PACRG: variants seen among roughly 807,000 people sequenced by gnomAD.
The protein encoded by PACRG is parkin coregulated gene protein.
In PACRG, 29 loss-of-function variants were observed where a neutral mutation model predicts 29.7. That is an observed-to-expected ratio of 0.98 (90% confidence interval 0.73 to 1.33). The LOEUF is 1.33. Ranked by LOEUF, PACRG falls within the 40% of genes most tolerant of loss-of-function variation. The pLI, the probability that PACRG is intolerant of heterozygous loss-of-function variation, is 0.00. For synonymous variants in PACRG, 116 were observed against 118.7 expected (o/e 0.98, Z 0.15); for missense variants, 279 against 316.2 (o/e 0.88, Z 0.89).
chr6:163,034,030 A>G (rs1807923131), intron 2 of PACRG, among the ~76,000 whole-genome samples: 1 of 152,208 alleles, frequency 6.6e-6, no homozygotes, highest in Non-Finnish European at 1.5e-5. Flanking sequence ...TTTACAGAGG[A>G]GATAAACAGT....
At chr6:162,733,543 T>C (rs903089519) in intron 1 of PACRG, among the ~76,000 whole-genome samples, 2 of 152,162 alleles carry the variant, frequency 1.3e-5, no homozygotes, top group African/African-American at 4.8e-5. Context: ...CCTTTAAAAC[T>C]TGAGAAGGCC....
At chr6:163,098,876 C>T (rs1180349039) in intron 4 of PACRG, among the ~76,000 whole-genome samples, 2 of 152,186 alleles carry the variant, frequency 1.3e-5, no homozygotes, top group Non-Finnish European at 2.9e-5. Context: ...GTTGCTGTGG[C>T]ATCTGTAAAC....
chr6:162,973,477 T>C (rs1199953141), intron 2 of PACRG, among the ~76,000 whole-genome samples: 1 of 152,178 alleles, frequency 6.6e-6, no homozygotes, highest in Non-Finnish European at 1.5e-5. Context: ...CCCTAACCTT[T>C]AGCACTGAAT....
Position 162,947,608 on chromosome 6 carries a change from A to ATGATTATAT in PACRG, c.292-114542_292-114541insTGATTATAT, listed in dbSNP as rs1554313269. ...CATATATATAATCATATATATATAT[A>ATGATTATAT]ATCATATATATATATATATATATAT... is the stretch of plus-strand genomic sequence containing the variant. On this transcript the variant is annotated intron_variant, in intron 2 of 4. Coordinates refer to ENST00000366888, the MANE Select transcript of PACRG (RefSeq NM_001080379.2). Among the ~76,000 whole-genome samples, 70 of 66,354 alleles carry ATGATTATAT rather than the reference A, an allele frequency of 1.1e-3. 5 individuals carry two copies. The highest frequency in any genetic ancestry group is 2.5e-3 in the East Asian group (6 of 2,412). The allele number at this position is 66,354 out of a possible 152,430, so 43.5% of individuals were successfully genotyped here.
At chr6:162,779,882 G>C (rs1483623653) in intron 1 of PACRG, among the ~76,000 whole-genome samples, 1 of 152,196 alleles carries the variant, frequency 6.6e-6, no homozygotes, top group Non-Finnish European at 1.5e-5. Flanking sequence ...ATCCTCAAGA[G>C]ATGGGAAACA....
chr6:162,753,458 T>C (rs189045275), intron 1 of PACRG, among the ~76,000 whole-genome samples: 50 of 152,332 alleles, frequency 3.3e-4, no homozygotes, highest in African/African-American at 1.0e-3. Flanking sequence ...GGCTGAATAG[T>C]ATTACATTTA....
intron 2 of PACRG, among the ~76,000 whole-genome samples, chr6:162,925,928 G>C (rs1797402482): frequency 6.6e-6 from 1 of 151,834 alleles, no homozygotes. Flanking sequence ...GCCCAAAAGT[G>C]CTAAGCTGAT....
chr6:162,926,572 A>C (rs2128100755), intron 2 of PACRG, among the ~76,000 whole-genome samples: 1 of 152,254 alleles, frequency 6.6e-6, no homozygotes, highest in South Asian at 2.1e-4. Flanking sequence ...CTATTTAACA[A>C]GTGATGCTGT....
chr6:163,211,095 AC>A (rs1781118419), intron 4 of PACRG, among the ~76,000 whole-genome samples: 1 of 151,752 alleles, frequency 6.6e-6, no homozygotes, highest in African/African-American at 2.4e-5. Flanking sequence ...TTTCTCTCCC[AC>A]CACCTTTTTT....
chr6:163,097,794 C>A (rs1814735821), intron 4 of PACRG, among the ~76,000 whole-genome samples: 1 of 152,084 alleles, frequency 6.6e-6, no homozygotes, highest in African/African-American at 2.4e-5. Flanking sequence ...GCTGTGGAAA[C>A]CAGGTTTCTT....
intron 4 of PACRG, among the ~76,000 whole-genome samples, chr6:163,186,681 C>G (rs954937345): frequency 2.0e-5 from 3 of 152,126 alleles, no homozygotes; most frequent in African/African-American, 7.2e-5. Context: ...TCACTCCTGC[C>G]GGACCAGGCG....
At chr6:162,846,524 T>A (rs1190275097) in intron 2 of PACRG, among the ~76,000 whole-genome samples, 1 of 152,138 alleles carries the variant, frequency 6.6e-6, no homozygotes, top group East Asian at 1.9e-4. Context: ...CCAGGCCAAA[T>A]GAATTTGGTC....
At chr6:163,048,839 A>G (rs1809683978) in intron 2 of PACRG, among the ~76,000 whole-genome samples, 1 of 152,166 alleles carries the variant, frequency 6.6e-6, no homozygotes, top group South Asian at 2.1e-4. Context: ...AACTTTCTGC[A>G]GAAAATGTGA....
At chr6:162,870,888 C>T (rs1792748850) in intron 2 of PACRG, among the ~76,000 whole-genome samples, 1 of 152,182 alleles carries the variant, frequency 6.6e-6, no homozygotes, top group Non-Finnish European at 1.5e-5. Context: ...TCCTTCCTCC[C>T]TCCTTCTCTT....
intron 4 of PACRG, among the ~76,000 whole-genome samples, chr6:163,212,190 C>T (rs1781170123): frequency 6.6e-6 from 1 of 152,048 alleles, no homozygotes; most frequent in Admixed American, 6.5e-5. Flanking sequence ...TGAAAATACT[C>T]TGGGGTATTG....
At chr6:163,111,660 T>C (rs913373808) in intron 4 of PACRG, among the ~76,000 whole-genome samples, 5 of 152,250 alleles carry the variant, frequency 3.3e-5, no homozygotes, top group African/African-American at 9.6e-5. Flanking sequence ...GTTTTCTTAA[T>C]GTGTCATTGT....
intron 1 of PACRG, among the ~76,000 whole-genome samples, chr6:162,775,957 T>G (rs554231846): frequency 6.6e-6 from 1 of 152,274 alleles, no homozygotes; most frequent in East Asian, 1.9e-4. Context: ...ATAGGTTTTG[T>G]GGGGCTTGAA....
chr6:162,963,407 T>C (rs1800786598), intron 2 of PACRG, among the ~76,000 whole-genome samples: 1 of 152,066 alleles, frequency 6.6e-6, no homozygotes, highest in Admixed American at 6.6e-5. Context: ...CACAAATTTA[T>C]TATATGAAAT....
At position 162,808,909 on chromosome 6, in the gene PACRG, CAG is replaced by C. The variant is rs368309644; in HGVS notation, c.157-5235_157-5234del. Among the ~76,000 whole-genome samples, 46 of 152,190 alleles carry C rather than the reference CAG, an allele frequency of 3.0e-4. No individual in the cohort carries two copies. The East Asian group carries it at 7.4e-3, about 24-fold the overall frequency. On this transcript the variant is annotated intron_variant, in intron 1 of 4. Transcript: ENST00000366888. ...AATATGGAACTTACCTAAGGATTTT[CAG>C]AGTCGTTTTGCTTGTTTTAAAAGTT...
Sources: allele counts gnomAD v4.1 joint callset (sites outside exome capture counted in the v4.1 genomes callset), GRCh38; gene constraint gnomAD v4.1.1; transcripts MANE v1.5; gene names NCBI Gene and HGNC (gene_info 2026-07-23, HGNC 2026-07-21).